APBA1: variants seen among roughly 807,000 people sequenced by gnomAD.
The protein encoded by APBA1 is amyloid beta precursor protein binding family A member 1, also known as amyloid-beta A4 precursor protein-binding family A member 1.
In APBA1, 55 loss-of-function variants were observed where a neutral mutation model predicts 86.6. The observed-to-expected ratio is 0.64, with a 90% CI of 0.51 to 0.80. APBA1 has a LOEUF of 0.80. Ranked by LOEUF, APBA1 falls within the 30% of genes least tolerant of loss-of-function variation. The probability of loss-of-function intolerance (pLI) is 0.00; values close to 1 mark genes in which losing one functional copy is unlikely to be tolerated. For synonymous variants in APBA1, 511 were observed against 493.9 expected (o/e 1.03, Z -0.46); for missense variants, 1,090 against 1,183.0 (o/e 0.92, Z 1.15).
At chr9:69,672,508 G>A (rs1640821448), upstream of APBA1, among the ~76,000 whole-genome samples, 1 of 146,744 alleles carries the variant, frequency 6.8e-6, no homozygotes, top group African/African-American at 2.5e-5. Flanking sequence ...TGCTAGTAGC[G>A]CCCCTGCCTC....
In APBA1 at chr9:69,476,084, G is replaced by C. The variant is rs772254743; in HGVS notation, c.1260C>G (p.His420Gln). The C allele has an allele frequency of 1.2e-6, 2 of 1,614,168 alleles. No individual in the cohort carries two copies. The highest frequency in any genetic ancestry group is 8.5e-7 in the Non-Finnish European group (1 of 1,180,006). ...TGGACGCTTCCACAGGGTCACTGGG[G>C]TGAAGAGATGTGCTTGATGACTCTG... ...LGAESSSTSL[H>Q]PSDPVEASTN... is the part of the protein sequence containing the mutation. Residue 420 changes from histidine (H) to glutamine (Q), a missense_variant, in exon 3 of 13, where the codon CAC becomes CAG. By Grantham distance (24) the His-to-Gln change is conservative (BLOSUM62 0). Coordinates refer to ENST00000265381, the MANE Select transcript of APBA1 (RefSeq NM_001163.4).
At position 69,599,030 on chromosome 9, in the gene APBA1, G is replaced by C. The variant is rs190453229; in HGVS notation, c.-70+73123C>G. Reference sequence around the variant, plus strand: ...GGAAGCTAGAGTAGTCAAATTCATAGAGCAAAAAGTAGAATTGGTGGTAGC... The same window carrying C: ...GGAAGCTAGAGTAGTCAAATTCATACAGCAAAAAGTAGAATTGGTGGTAGC... On this transcript the variant is annotated intron_variant, in intron 1 of 12. Transcript: ENST00000265381. Among the ~76,000 whole-genome samples the C allele has an allele frequency of 9.9e-4, 151 of 152,282 alleles. 2 individuals are homozygous for C. In the Middle Eastern group the frequency reaches 0.02, roughly 21 times the overall value.
intron 1 of APBA1, among the ~76,000 whole-genome samples, chr9:69,597,732 G>A (rs1043579239): frequency 1.3e-5 from 2 of 152,134 alleles, no homozygotes; most frequent in African/African-American, 4.8e-5. Flanking sequence ...TCTACATATG[G>A]CTAGCCAGTT....
At chr9:69,589,395 C>A (rs1316090081) in intron 1 of APBA1, among the ~76,000 whole-genome samples, 3 of 152,214 alleles carry the variant, frequency 2.0e-5, no homozygotes, top group Non-Finnish European at 4.4e-5. Flanking sequence ...AAGGCATCCA[C>A]TCTAATTCTT....
At chr9:69,495,860 G>A (rs1835786379) in intron 2 of APBA1, among the ~76,000 whole-genome samples, 1 of 152,060 alleles carries the variant, frequency 6.6e-6, no homozygotes, top group Non-Finnish European at 1.5e-5. Flanking sequence ...CGAGCCTGGA[G>A]GACACTGAGG....
chr9:69,648,409 AT>A (rs764005603), intron 1 of APBA1, among the ~76,000 whole-genome samples: 6 of 152,196 alleles, frequency 3.9e-5, no homozygotes, highest in Non-Finnish European at 5.9e-5. Context: ...AAACCTTACT[AT>A]TAGCCAAGTT....
rs1023505866 is a variant in APBA1, at chr9:69,489,230, A to G, written c.1201-13087T>C. Among the ~76,000 whole-genome samples the G allele has an allele frequency of 2.6e-5, 4 of 152,108 alleles. No individual in the cohort carries two copies. In the East Asian group the frequency reaches 7.7e-4, roughly 29 times the overall value. On this transcript the variant is annotated intron_variant, in intron 2 of 12. Transcript: ENST00000265381. ...ATCACACTACCTGAATTCAAACTAC[A>G]CTACAAGGCTACAGTAACCAAAACA...
At chr9:69,655,012 A>G (rs1240952411) in intron 1 of APBA1, among the ~76,000 whole-genome samples, 1 of 152,214 alleles carries the variant, frequency 6.6e-6, no homozygotes, top group African/African-American at 2.4e-5. Context: ...AACATCCTTG[A>G]TGATAAAAAT....
At chr9:69,571,426 A>T (rs1837112735) in intron 1 of APBA1, among the ~76,000 whole-genome samples, 1 of 152,194 alleles carries the variant, frequency 6.6e-6, no homozygotes, top group Admixed American at 6.5e-5. Flanking sequence ...TGCATAGGGA[A>T]ATGCTTTCAA....
At chr9:69,588,805 T>C (rs1822072655) in intron 1 of APBA1, among the ~76,000 whole-genome samples, 2 of 152,238 alleles carry the variant, frequency 1.3e-5, no homozygotes, top group Admixed American at 6.5e-5. Flanking sequence ...CTGTAACTAG[T>C]GCCTCCAATT....
intron 8 of APBA1, 31 bp downstream of exon 8, chr9:69,456,216 C>A (rs369001002): frequency 6.3e-5 from 101 of 1,613,340 alleles, no homozygotes; most frequent in Non-Finnish European, 8.2e-5. Context: ...AGAACCTAAC[C>A]CAAAAGGAGA....
Position 69,562,655 on chromosome 9 carries a change from G to A in APBA1, c.-69-45376C>T, listed in dbSNP as rs141016370. On this transcript the variant is annotated intron_variant, in intron 1 of 12. Coordinates refer to ENST00000265381, the MANE Select transcript of APBA1 (RefSeq NM_001163.4). ...TTCCCAAAGTGCTGGGATTACAGACGTGAGCCACTGTACCCGGCCTGTATT... is the reference window on the plus strand; with the variant it reads ...TTCCCAAAGTGCTGGGATTACAGACATGAGCCACTGTACCCGGCCTGTATT... Among the ~76,000 whole-genome samples the A allele has an allele frequency of 3.6e-4, 54 of 152,064 alleles. No homozygotes were observed. In the East Asian group the frequency reaches 9.8e-3, roughly 28 times the overall value.
chr9:69,461,852 T>C (rs926372954), intron 5 of APBA1: 3 of 152,136 alleles, frequency 2.0e-5, no homozygotes, highest in African/African-American at 7.2e-5. Context: ...CCCCATCCAT[T>C]TTGAGGAGTA....
chr9:69,638,294 G>T (rs1823220158), intron 1 of APBA1, among the ~76,000 whole-genome samples: 1 of 152,204 alleles, frequency 6.6e-6, no homozygotes, highest in Non-Finnish European at 1.5e-5. Context: ...AGGCTGGATT[G>T]CAGTGGCAAA....
chr9:69,581,389 AG>A (rs1359121388), intron 1 of APBA1, among the ~76,000 whole-genome samples: 1 of 13,724 alleles, frequency 7.3e-5, no homozygotes, highest in African/African-American at 7.9e-5. Context: ...CTCTGAAGGT[AG>A]AAAAAAAAAG....
rs770180947 is a variant in APBA1 at position 69,658,286 on chromosome 9, C to CTTTCTTTTTCTTTCTT, written c.-70+13866_-70+13867insAAGAAAGAAAAAGAAA. The stretch of plus-strand genomic sequence containing the variant: ...TTTCTTTCTTTCTTTCTTTCTTTCT[C>CTTTCTTTTTCTTTCTT]TCTCTCTTTCTCTCTCTCTCTTTCT... On this transcript the variant is annotated intron_variant, in intron 1 of 12. Transcript: ENST00000265381. 2.2e-3 allele frequency among the ~76,000 whole-genome samples: 160 copies of CTTTCTTTTTCTTTCTT among 74,206 alleles called. 6 individuals carry two copies. The highest frequency in any genetic ancestry group is 4.1e-3 in the East Asian group (11 of 2,654). 48.7% of individuals were successfully genotyped at this position (74,206 alleles called of 152,430 possible).
chr9:69,447,747 A>C (rs1389190613), intron 10 of APBA1, among the ~76,000 whole-genome samples: 1 of 152,102 alleles, frequency 6.6e-6, no homozygotes, highest in Non-Finnish European at 1.5e-5. Flanking sequence ...GTACCTGCCC[A>C]CAGAATGCTG....
intron 1 of APBA1, among the ~76,000 whole-genome samples, chr9:69,659,987 T>C (rs1160238123): frequency 6.6e-6 from 1 of 152,196 alleles, no homozygotes; most frequent in Non-Finnish European, 1.5e-5. Context: ...AATATATTTA[T>C]TTCTTCCCAC....
intron 1 of APBA1, among the ~76,000 whole-genome samples, chr9:69,580,673 A>C (rs181360407): frequency 2.8e-4 from 42 of 152,320 alleles, no homozygotes; most frequent in African/African-American, 1.0e-3. Context: ...AAACTTGCTG[A>C]CAGGCTTCCT....
Sources: gnomAD v4.1 joint callset for allele counts (sites outside exome capture counted in the v4.1 genomes callset) on GRCh38, gnomAD v4.1.1 for gene constraint, MANE v1.5 for transcripts, NCBI Gene and HGNC (gene_info 2026-07-23, HGNC 2026-07-21) for gene names.